The following FNIP2 variants were observed in gnomAD, a reference collection of about 807,000 sequenced individuals.
FNIP2 encodes folliculin interacting protein 2.
FNIP2 carries 32 observed loss-of-function variants against 108.7 expected under a neutral mutation model. The ratio of observed to expected loss-of-function variants is 0.29; its 90% CI spans 0.22 to 0.40. FNIP2 has a LOEUF of 0.40. Ranked by LOEUF, FNIP2 falls within the 10% of genes least tolerant of loss-of-function variation. The pLI is 1.00. For synonymous variants in FNIP2, 480 were observed against 496.7 expected (o/e 0.97, Z 0.45); for missense variants, 1,202 against 1,381.6 (o/e 0.87, Z 2.06).
rs931909592 is a variant in FNIP2, at chr4:158,906,467, A to G, written c.*1923A>G. 1 of 152,220 alleles carries G rather than the reference A, an allele frequency of 6.6e-6. No homozygotes were observed. Among genetic ancestry groups the G allele is most frequent in the Non-Finnish European group, 1.5e-5 (1 of 68,046 alleles). 9.4% of individuals were successfully genotyped at this position (152,220 alleles called of 1,614,324 possible). A position where few individuals can be genotyped will look rare whatever the true frequency, so the allele number is the denominator to read the frequency against. On this transcript the variant is annotated 3_prime_UTR_variant, in exon 17 of 17. Transcript: ENST00000264433. ...ATGTGGACATAGTGGCATGTTCATA[A>G]TTAGACCCATATAGGGGACACTGAG... is the stretch of plus-strand genomic sequence containing the variant.
At chr4:158,817,087 G>A (rs992318288) in intron 1 of FNIP2, among the ~76,000 whole-genome samples, 1 of 152,092 alleles carries the variant, frequency 6.6e-6, no homozygotes, top group African/African-American at 2.4e-5. Context: ...CTCCCAAAGT[G>A]TTGAGATTAC....
intron 5 of FNIP2, among the ~76,000 whole-genome samples, chr4:158,833,079 A>G (rs1778571156): frequency 6.6e-6 from 1 of 152,218 alleles, no homozygotes; most frequent in Non-Finnish European, 1.5e-5. Flanking sequence ...TCCTGAAAAA[A>G]GTTGCTGAAT....
In FNIP2 at chr4:158,813,749, G is replaced by C. The variant is rs547905501; in HGVS notation, c.108-12167G>C. On this transcript the variant is annotated intron_variant, in intron 1 of 16. Coordinates refer to ENST00000264433, the MANE Select transcript of FNIP2 (RefSeq NM_020840.3). The stretch of plus-strand genomic sequence containing the variant: ...TTGGTGTTGTATCTGAGAATCCTTC[G>C]CCATGCTCAAGGCTGTCTGTATTTT... Among the ~76,000 whole-genome samples the C allele has an allele frequency of 2.6e-5, 4 of 152,026 alleles. No individual in the cohort carries two copies. The East Asian group carries it at 7.7e-4, about 29-fold the overall frequency.
rs1343667480 is a variant in FNIP2, at chr4:158,905,178, T to C, written c.*634T>C. On this transcript the variant is annotated 3_prime_UTR_variant, in exon 17 of 17. Coordinates refer to ENST00000264433, the MANE Select transcript of FNIP2 (RefSeq NM_020840.3). ...AGGGACCCACTGTTTTCATTTCTTC[T>C]TGGAGTTTACCTTGTTTCAGATGCA... 6.6e-6 allele frequency: 1 copy of C among 152,496 alleles called. No homozygotes were observed. Among genetic ancestry groups the C allele is most frequent in the African/African-American group, 2.4e-5 (1 of 41,464 alleles). The allele number at this position is 152,496 out of a possible 1,614,324, so 9.4% of individuals were successfully genotyped here.
At chr4:158,792,154 C>T (rs963878434) in intron 1 of FNIP2, among the ~76,000 whole-genome samples, 2 of 152,150 alleles carry the variant, frequency 1.3e-5, no homozygotes, top group Non-Finnish European at 2.9e-5. Context: ...TCATTATTTG[C>T]AGATTCCTTA....
At chr4:158,840,089 G>T (rs1779039357) in intron 7 of FNIP2, among the ~76,000 whole-genome samples, 1 of 152,188 alleles carries the variant, frequency 6.6e-6, no homozygotes, top group Non-Finnish European at 1.5e-5. Flanking sequence ...ATACTAGGAG[G>T]TTGCATCAGC....
In FNIP2 at chr4:158,871,310, A is replaced by G. The variant is rs1339449241; in HGVS notation, c.2949+841A>G. The G allele has an allele frequency of 5.6e-6, 5 of 886,508 alleles. No individual in the cohort carries two copies. In the African/African-American group the frequency reaches 9.1e-5, roughly 16 times the overall value. The allele number at this position is 886,508 out of a possible 1,614,324, so 54.9% of individuals were successfully genotyped here. A position where few individuals can be genotyped will look rare whatever the true frequency, so the allele number is the denominator to read the frequency against. Reference sequence around the variant, plus strand: ...AGATGTGCAAAAATAGACATTTTGTATTAGAAACATTTTGTATCTTGTGCA... The same window carrying G: ...AGATGTGCAAAAATAGACATTTTGTGTTAGAAACATTTTGTATCTTGTGCA... On this transcript the variant is annotated intron_variant, in intron 14 of 16. Transcript: ENST00000264433.
chr4:158,845,509 C>T (rs1477210632), intron 7 of FNIP2, among the ~76,000 whole-genome samples: 1 of 152,222 alleles, frequency 6.6e-6, no homozygotes, highest in Non-Finnish European at 1.5e-5. Context: ...AGCTATCCTC[C>T]TGCCTCAGGC....
intron 16 of FNIP2, among the ~76,000 whole-genome samples, chr4:158,897,449 C>T (rs1016199599): frequency 5.9e-5 from 9 of 152,192 alleles, no homozygotes; most frequent in Non-Finnish European, 1.2e-4. Flanking sequence ...CTAATTTAGA[C>T]TCCCATCAAC....
At chr4:158,824,374 T>C (rs1778041404) in intron 1 of FNIP2, among the ~76,000 whole-genome samples, 2 of 152,222 alleles carry the variant, frequency 1.3e-5, no homozygotes, top group Non-Finnish European at 2.9e-5. Flanking sequence ...TTTGCTTTTG[T>C]TAGTCTGTCT....
intron 14 of FNIP2, among the ~76,000 whole-genome samples, chr4:158,875,090 A>G (rs955485284): frequency 7.3e-5 from 11 of 151,440 alleles, no homozygotes; most frequent in African/African-American, 2.7e-4. Context: ...CTGTCTCAAA[A>G]AAAAAAAAAA....
chr4:158,888,998 T>C (rs969659072), intron 14 of FNIP2, among the ~76,000 whole-genome samples: 5 of 152,102 alleles, frequency 3.3e-5, no homozygotes, highest in Admixed American at 2.6e-4. Flanking sequence ...GAGACCAGCC[T>C]GGGCAACATA....
chr4:158,843,643 A>G (rs896081200), intron 7 of FNIP2, among the ~76,000 whole-genome samples: 4 of 152,346 alleles, frequency 2.6e-5, no homozygotes, highest in East Asian at 3.9e-4. Context: ...GTAGGGACCA[A>G]CTATGTGAAG....
chr4:158,773,083 G>A (rs1313669174), intron 1 of FNIP2, among the ~76,000 whole-genome samples: 1 of 152,066 alleles, frequency 6.6e-6, no homozygotes, highest in African/African-American at 2.4e-5. Context: ...TTTGTTCTGA[G>A]GTAGGGTGGA....
intron 3 of FNIP2, among the ~76,000 whole-genome samples, 167 bp from the exon 4 acceptor site, chr4:158,831,694 A>G (rs1048043332): frequency 1.3e-5 from 2 of 152,206 alleles, no homozygotes; most frequent in Admixed American, 6.5e-5. Flanking sequence ...TTTGGGGGGG[A>G]AAATAGGCAA....
intron 1 of FNIP2, among the ~76,000 whole-genome samples, chr4:158,810,297 C>T (rs891867538): frequency 1.3e-5 from 2 of 152,066 alleles, no homozygotes; most frequent in Non-Finnish European, 2.9e-5. Flanking sequence ...AAAAACAAAC[C>T]CTAGTCAGCT....
chr4:158,817,130 T>G (rs1163375432), intron 1 of FNIP2, among the ~76,000 whole-genome samples: 1 of 151,956 alleles, frequency 6.6e-6, no homozygotes, highest in Admixed American at 6.6e-5. Flanking sequence ...CCTCTGTGGG[T>G]TTTTTAAGCA....
Position 158,825,921 on chromosome 4 carries a change from C to T in FNIP2, c.113C>T (p.Ser38Leu). Residue 38 changes from serine to leucine, a missense_variant, in exon 2 of 17, where the codon TCA becomes TTA. Physicochemically the swap from Ser to Leu is moderately radical, Grantham distance 145. Transcript: ENST00000264433. ...TTGCCCTTTTTAATCCACAGTTGGTCATGTTCGGAGTTTGACCTGAATGAG... is the reference window on the plus strand; with the variant it reads ...TTGCCCTTTTTAATCCACAGTTGGTTATGTTCGGAGTTTGACCTGAATGAG... ...APKEGPAFSW[S>L]CSEFDLNEIR... 1 of 1,605,964 alleles carries T rather than the reference C, an allele frequency of 6.2e-7. No homozygotes were observed. Among genetic ancestry groups the T allele is most frequent in the South Asian group, 1.1e-5 (1 of 90,870 alleles).
At chr4:158,811,792 T>C (rs2126510406) in intron 1 of FNIP2, among the ~76,000 whole-genome samples, 1 of 152,294 alleles carries the variant, frequency 6.6e-6, no homozygotes, top group South Asian at 2.1e-4. Flanking sequence ...CAGTGATCCA[T>C]GAGTCCCGAA....
Sources: allele counts gnomAD v4.1 joint callset (sites outside exome capture counted in the v4.1 genomes callset), GRCh38; gene constraint gnomAD v4.1.1; transcripts MANE v1.5; gene names NCBI Gene and HGNC (gene_info 2026-07-23, HGNC 2026-07-21).